LDLRAD4: variants seen among roughly 807,000 people sequenced by gnomAD.
The protein encoded by LDLRAD4 is low-density lipoprotein receptor class A domain-containing protein 4.
Under a neutral mutation model 17.0 loss-of-function variants are expected in LDLRAD4, and 5 were observed. That is an observed-to-expected ratio of 0.29 (90% confidence interval 0.15 to 0.62). The LOEUF (loss-of-function observed/expected upper bound fraction) is 0.62, where lower values mean the gene tolerates loss of function less well. Among genes scored for constraint, LDLRAD4 ranks in the 20% least tolerant of loss-of-function variants. The pLI, the probability that LDLRAD4 is intolerant of heterozygous loss-of-function variation, is 0.84. For missense variants in LDLRAD4, 340 were observed against 424.7 expected (o/e 0.80, Z 1.75); for synonymous variants, 168 against 171.8 (o/e 0.98, Z 0.17).
At chr18:13,487,755 A>C (rs1241829893) in intron 3 of LDLRAD4, 1 of 152,436 alleles carries the variant, frequency 6.6e-6, no homozygotes, top group African/African-American at 2.4e-5. Flanking sequence ...GTGGAGAGAA[A>C]TGAAGGGGGC....
intron 3 of LDLRAD4, among the ~76,000 whole-genome samples, chr18:13,536,184 T>C (rs565223106): frequency 2.0e-5 from 3 of 152,326 alleles, no homozygotes; most frequent in African/African-American, 7.2e-5. Context: ...AGAAGTATGC[T>C]AGGATTTTAA....
At chr18:13,264,376 G>A (rs115996902) in intron 1 of LDLRAD4, among the ~76,000 whole-genome samples, 280 of 152,358 alleles carry the variant, frequency 1.8e-3, no homozygotes, top group African/African-American at 6.1e-3. Context: ...TCTGCAGACC[G>A]TTAGACAGTT....
chr18:13,601,660 A>AG (rs2095164163), intron 3 of LDLRAD4, among the ~76,000 whole-genome samples: 1 of 150,790 alleles, frequency 6.6e-6, no homozygotes, highest in African/African-American at 2.5e-5. Context: ...TCTGAAAAAA[A>AG]AAAAAAGAAA....
At chr18:13,533,265 A>G (rs887538758) in intron 3 of LDLRAD4, among the ~76,000 whole-genome samples, 2 of 151,776 alleles carry the variant, frequency 1.3e-5, no homozygotes, top group Non-Finnish European at 2.9e-5. Flanking sequence ...TCATCTTGAA[A>G]CCCCAGTCAC....
intron 3 of LDLRAD4, among the ~76,000 whole-genome samples, chr18:13,570,030 G>GT (rs1236913796): frequency 6.6e-6 from 1 of 152,210 alleles, no homozygotes; most frequent in Non-Finnish European, 1.5e-5. Flanking sequence ...CTTAGAAAGT[G>GT]TTTTGGGGGA....
intron 2 of LDLRAD4, among the ~76,000 whole-genome samples, chr18:13,434,637 T>C (rs1037549539): frequency 2.6e-5 from 4 of 152,208 alleles, no homozygotes; most frequent in Non-Finnish European, 5.9e-5. Context: ...TTCTAGTCTG[T>C]CAAAGTGTAG....
chr18:13,453,751 GCCCGGTGCTCCACCTGCCCTT>G (rs1271762907), intron 3 of LDLRAD4, among the ~76,000 whole-genome samples: 1 of 152,160 alleles, frequency 6.6e-6, no homozygotes, highest in East Asian at 1.9e-4. Flanking sequence ...TCTGCAGGGC[GCCCGGTGCTCCACCTGCCCTT>G]CCCTCTGTTG....
At chr18:13,424,378 CA>C (rs2089751590) in intron 2 of LDLRAD4, among the ~76,000 whole-genome samples, 1 of 152,156 alleles carries the variant, frequency 6.6e-6, no homozygotes. Context: ...GACAGGAGCA[CA>C]GATATCAGGT....
intron 2 of LDLRAD4, among the ~76,000 whole-genome samples, chr18:13,433,466 A>G (rs1016892991): frequency 6.6e-6 from 1 of 152,228 alleles, no homozygotes; most frequent in African/African-American, 2.4e-5. Context: ...TTTGTGACTG[A>G]GATCGTATCT....
chr18:13,484,847 G>A (rs1481275834), intron 3 of LDLRAD4, among the ~76,000 whole-genome samples: 1 of 152,110 alleles, frequency 6.6e-6, no homozygotes, highest in African/African-American at 2.4e-5. Flanking sequence ...AATATCCCTG[G>A]TGGTTATACT....
intron 3 of LDLRAD4, among the ~76,000 whole-genome samples, chr18:13,453,005 C>T (rs148195480): frequency 0.017 from 2,626 of 152,244 alleles, 41 homozygotes; most frequent in Middle Eastern, 0.044. Flanking sequence ...AGAAAGGGCA[C>T]AGAGATGGGC....
intron 3 of LDLRAD4, among the ~76,000 whole-genome samples, chr18:13,453,457 TA>T (rs1170226701): frequency 6.6e-6 from 1 of 152,148 alleles, no homozygotes; most frequent in African/African-American, 2.4e-5. Flanking sequence ...CTTGGTTTAT[TA>T]ACACCTCAAG....
intron 3 of LDLRAD4, among the ~76,000 whole-genome samples, chr18:13,564,064 C>T (rs2094568466): frequency 6.6e-6 from 1 of 152,066 alleles, no homozygotes; most frequent in African/African-American, 2.4e-5. Flanking sequence ...CACCACCACA[C>T]CTGGATAATT....
At chr18:13,438,094 T>C (rs749292034) in intron 2 of LDLRAD4, 150 bp from the exon 4 acceptor site, 19 of 706,038 alleles carry the variant, frequency 2.7e-5, no homozygotes, top group Non-Finnish European at 3.7e-5. Flanking sequence ...ATGGCCCTTC[T>C]CTGAGTTTAG....
At chr18:13,603,399 A>G (rs2095186567) in intron 3 of LDLRAD4, among the ~76,000 whole-genome samples, 2 of 152,188 alleles carry the variant, frequency 1.3e-5, no homozygotes, top group African/African-American at 4.8e-5. Flanking sequence ...TGGTCCTCGG[A>G]TCGGCCACAT....
intron 1 of LDLRAD4, among the ~76,000 whole-genome samples, chr18:13,368,811 C>T (rs1052564896): frequency 5.3e-5 from 8 of 152,228 alleles, no homozygotes; most frequent in Non-Finnish European, 1.0e-4. Context: ...CTTCCATACA[C>T]TTTGGCACTC....
At chr18:13,245,727 A>C (rs1024248423) in intron 1 of LDLRAD4, among the ~76,000 whole-genome samples, 3 of 152,208 alleles carry the variant, frequency 2.0e-5, no homozygotes, top group African/African-American at 7.2e-5. Context: ...TTCTCACATC[A>C]CCCAGCTCAG....
chr18:13,505,184 C>G (rs2093671506), intron 3 of LDLRAD4, among the ~76,000 whole-genome samples: 1 of 152,206 alleles, frequency 6.6e-6, no homozygotes, highest in African/African-American at 2.4e-5. Context: ...AGCGAAGCCT[C>G]AGTTAGATTC....
At chr18:13,361,711 A>G (rs993508541) in intron 1 of LDLRAD4, among the ~76,000 whole-genome samples, 1 of 152,158 alleles carries the variant, frequency 6.6e-6, no homozygotes, top group Non-Finnish European at 1.5e-5. Flanking sequence ...CTGACAGCTG[A>G]GAAGGGACAG....
Sources: allele counts gnomAD v4.1 joint callset (sites outside exome capture counted in the v4.1 genomes callset), GRCh38; gene constraint gnomAD v4.1.1; transcripts MANE v1.5; gene names NCBI Gene and HGNC (gene_info 2026-07-23, HGNC 2026-07-21).